The following GK5 variants were observed in gnomAD, a reference collection of about 807,000 sequenced individuals.
The protein encoded by GK5 is ATP:glycerol 3-phosphotransferase 5.
A neutral mutation model predicts 77.3 loss-of-function variants in GK5; 39 were observed. The ratio of observed to expected loss-of-function variants is 0.50; its 90% CI spans 0.39 to 0.66. The LOEUF (loss-of-function observed/expected upper bound fraction) is 0.66. GK5 is among the 30% of genes least tolerant of loss of function. GK5 has a pLI of 0.00. For missense variants in GK5, 487 were observed against 633.8 expected (o/e 0.77, Z 2.49); for synonymous variants, 211 against 208.0 (o/e 1.01, Z -0.13).
At chr3:142,215,034 G>A (rs1024221466) in intron 2 of GK5, among the ~76,000 whole-genome samples, 4 of 152,086 alleles carry the variant, frequency 2.6e-5, no homozygotes, top group African/African-American at 9.7e-5. Flanking sequence ...TGAAGTAAAA[G>A]ATCTTTCAGA....
intron 12 of GK5, among the ~76,000 whole-genome samples, chr3:142,173,448 C>T (rs573459608): frequency 6.6e-6 from 1 of 152,192 alleles, no homozygotes; most frequent in South Asian, 2.1e-4. Context: ...CTTTGGGAGG[C>T]CGACAAAGGT....
chr3:142,161,090 TG>T lies in GK5; in HGVS notation c.*4531del, dbSNP rs67722810. 24,953 of 117,720 alleles carry T rather than the reference TG, an allele frequency of 0.21. 2,749 individuals carry two copies. The highest frequency in any genetic ancestry group is 0.34 in the African/African-American group (12,962 of 37,980). The allele number at this position is 117,720 out of a possible 1,614,324, so 7.3% of individuals were successfully genotyped here. ...CAGAGTAGTTCTTCTTTTGTTTTTTTGTTTTTGTTTTTGTTTTTGTTTTTTT... is the reference window on the plus strand; with the variant it reads ...CAGAGTAGTTCTTCTTTTGTTTTTTTTTTTTGTTTTTGTTTTTGTTTTTTT... On this transcript the variant is annotated 3_prime_UTR_variant, in exon 16 of 16. Coordinates refer to ENST00000392993, the MANE Select transcript of GK5 (RefSeq NM_001039547.3).
chr3:142,213,114 G>T (rs896920821), intron 3 of GK5, among the ~76,000 whole-genome samples: 1 of 152,058 alleles, frequency 6.6e-6, no homozygotes, highest in African/African-American at 2.4e-5. Context: ...GATTACAGGC[G>T]TGAGCCACCG....
chr3:142,168,684 G>T (rs1298962349), intron 15 of GK5, among the ~76,000 whole-genome samples: 3 of 151,712 alleles, frequency 2.0e-5, no homozygotes, highest in African/African-American at 7.3e-5. Context: ...TTCACTAATT[G>T]TCAAAGCGAT....
intron 3 of GK5, 58 bp downstream of exon 3, chr3:142,213,468 C>T (rs894853510): frequency 9.2e-6 from 9 of 982,530 alleles, no homozygotes; most frequent in Admixed American, 3.4e-5. Flanking sequence ...ATTTCATAAC[C>T]GTGTACTCAC....
In GK5 at chr3:142,162,267, T is replaced by G. The variant is rs2063431579; in HGVS notation, c.*3355A>C. The G allele has an allele frequency of 6.6e-6, 1 of 152,236 alleles. No homozygotes were observed. Among genetic ancestry groups the G allele is most frequent in the African/African-American group, 2.4e-5 (1 of 41,460 alleles). 9.4% of individuals were successfully genotyped at this position (152,236 alleles called of 1,614,324 possible). ...TCTTCGATTTTCTTCTAACAGCCTG[T>G]ATCAGTGGCTCTCAACTGGGGGCAA... On this transcript the variant is annotated 3_prime_UTR_variant, in exon 16 of 16. Coordinates refer to ENST00000392993, the MANE Select transcript of GK5 (RefSeq NM_001039547.3).
intron 1 of GK5, among the ~76,000 whole-genome samples, chr3:142,223,167 A>T (rs1560242364): frequency 6.6e-6 from 1 of 152,184 alleles, no homozygotes. Context: ...TCCTCACTTC[A>T]TTCCTAAAAA....
chr3:142,160,710 A>G lies in GK5; in HGVS notation c.*4912T>C, dbSNP rs2063419007. The G allele has an allele frequency of 6.6e-6, 1 of 152,240 alleles. No homozygotes were observed. The highest frequency in any genetic ancestry group is 1.5e-5 in the Non-Finnish European group (1 of 68,052). The allele number at this position is 152,240 out of a possible 1,614,324, so 9.4% of individuals were successfully genotyped here. Reference sequence around the variant, plus strand: ...CAAATAGTTTTTCAAATATATAAACATATTAAGAATTTTATTTTATTTTAT... The same window carrying G: ...CAAATAGTTTTTCAAATATATAAACGTATTAAGAATTTTATTTTATTTTAT... On this transcript the variant is annotated 3_prime_UTR_variant, in exon 16 of 16. Transcript: ENST00000392993.
intron 9 of GK5, chr3:142,184,845 AAACAACAAC>A (rs756928414): frequency 2.0e-6 from 2 of 981,060 alleles, no homozygotes; most frequent in South Asian, 4.7e-5. Context: ...TCCATCTCAA[AAACAACAAC>A]AACAACAACA....
At chr3:142,174,770 C>T (rs2063585346) in intron 12 of GK5, among the ~76,000 whole-genome samples, 1 of 152,202 alleles carries the variant, frequency 6.6e-6, no homozygotes, top group East Asian at 1.9e-4. Flanking sequence ...ACAGCTGACT[C>T]AGTGTCTGAC....
chr3:142,202,254 A>G (rs986813599), intron 4 of GK5, among the ~76,000 whole-genome samples: 1 of 152,350 alleles, frequency 6.6e-6, no homozygotes, highest in African/African-American at 2.4e-5. Context: ...ATCATCAGGC[A>G]AGAATAAGAA....
At chr3:142,184,260 CAAAAAAAAAAAAAA>C (rs1161704184) in intron 9 of GK5, among the ~76,000 whole-genome samples, 1 of 10,684 alleles carries the variant, frequency 9.4e-5, no homozygotes, top group Non-Finnish European at 1.7e-4. Flanking sequence ...GACTCTGTCT[CAAAAAAAAAAAAAA>C]AAAAAAAAAA....
At position 142,161,949 on chromosome 3, in the gene GK5, G is replaced by T. The variant is rs2108775970; in HGVS notation, c.*3673C>A. On this transcript the variant is annotated 3_prime_UTR_variant, in exon 16 of 16. Transcript: ENST00000392993. The stretch of plus-strand genomic sequence containing the variant: ...TAATTAGCTGGGACTATATGTGTGT[G>T]TCACCACACCCAGCTAATTTGTGTA... 1 of 152,222 alleles carries T rather than the reference G, an allele frequency of 6.6e-6. No homozygotes were observed. The highest frequency in any genetic ancestry group is 1.9e-4 in the East Asian group (1 of 5,160). 9.4% of individuals were successfully genotyped at this position (152,222 alleles called of 1,614,324 possible). A position where few individuals can be genotyped will look rare whatever the true frequency, so the allele number is the denominator to read the frequency against.
At chr3:142,204,881 C>T (rs540897116) in intron 3 of GK5, 93 bp from the exon 4 acceptor site, 33 of 679,804 alleles carry the variant, frequency 4.9e-5, no homozygotes, top group Non-Finnish European at 8.3e-5. Context: ...AGAGGCCATA[C>T]TGTAATTGCA....
At chr3:142,220,142 A>C (rs189374650) in intron 1 of GK5, among the ~76,000 whole-genome samples, 71 of 152,248 alleles carry the variant, frequency 4.7e-4, no homozygotes, top group African/African-American at 1.6e-3. Flanking sequence ...AGATTTTAAC[A>C]AATTTTTTTT....
intron 9 of GK5, 117 bp downstream of exon 9, chr3:142,185,812 T>C: frequency 6.5e-7 from 1 of 1,537,880 alleles, no homozygotes; most frequent in East Asian, 2.3e-5. Context: ...GAAAAAAAAA[T>C]ACTTTAATCT....
rs2108775672 is a variant in GK5, at chr3:142,161,380, ATAGT to A, written c.*4238_*4241del. 6.6e-6 allele frequency: 1 copy of A among 152,150 alleles called. No individual in the cohort carries two copies. Among genetic ancestry groups the A allele is most frequent in the Admixed American group, 6.5e-5 (1 of 15,288 alleles). 9.4% of individuals were successfully genotyped at this position (152,150 alleles called of 1,614,324 possible). A position where few individuals can be genotyped will look rare whatever the true frequency, so the allele number is the denominator to read the frequency against. On this transcript the variant is annotated 3_prime_UTR_variant, in exon 16 of 16. Coordinates refer to ENST00000392993, the MANE Select transcript of GK5 (RefSeq NM_001039547.3). ...GGCCTCCCAAAGTGCTGGGAAGAGT[ATAGT>A]TCTTCTTAATCCAACAAAAAAGTAT...
rs2063448888 is a variant in GK5, at chr3:142,164,113, T to C, written c.*1509A>G. On this transcript the variant is annotated 3_prime_UTR_variant, in exon 16 of 16. Transcript: ENST00000392993. ...TTGTTACAATGCCTTCATCAGAAAA[T>C]TTAATAATTAAGAAGATACTTGAAG... 1 of 152,106 alleles carries C rather than the reference T, an allele frequency of 6.6e-6. No individual in the cohort carries two copies. Among genetic ancestry groups the C allele is most frequent in the African/African-American group, 2.4e-5 (1 of 41,438 alleles). 9.4% of individuals were successfully genotyped at this position (152,106 alleles called of 1,614,324 possible).
intron 15 of GK5, among the ~76,000 whole-genome samples, chr3:142,169,592 C>T (rs1192097351): frequency 6.6e-6 from 1 of 152,166 alleles, no homozygotes; most frequent in East Asian, 1.9e-4. Flanking sequence ...AATTCTCTCT[C>T]CCACCATAAG....
Sources: allele counts gnomAD v4.1 joint callset (sites outside exome capture counted in the v4.1 genomes callset), GRCh38; gene constraint gnomAD v4.1.1; transcripts MANE v1.5; gene names NCBI Gene and HGNC (gene_info 2026-07-23, HGNC 2026-07-21).